Variants in ARHGEF28 observed in about 807,000 individuals in gnomAD.
ARHGEF28 encodes the protein 190 kDa guanine nucleotide exchange factor.
Under a neutral mutation model 206.6 loss-of-function variants are expected in ARHGEF28, and 152 were observed. The observed-to-expected ratio is 0.74, with a 90% CI of 0.64 to 0.84. The LOEUF is 0.84. Ranked by LOEUF, ARHGEF28 falls within the 40% of genes least tolerant of loss-of-function variation. The pLI is 0.00. For missense variants in ARHGEF28, 2,028 were observed against 2,073.2 expected (o/e 0.98, Z 0.42); for synonymous variants, 763 against 776.4 (o/e 0.98, Z 0.29).
chr5:73,866,390 G>T (rs77238073), intron 18 of ARHGEF28, among the ~76,000 whole-genome samples: 2 of 152,180 alleles, frequency 1.3e-5, no homozygotes, highest in Admixed American at 6.5e-5. Context: ...TAGCAGTAGC[G>T]TAGTATAGCA....
At chr5:73,732,497 G>T (rs1011475199) in intron 2 of ARHGEF28, among the ~76,000 whole-genome samples, 12 of 152,136 alleles carry the variant, frequency 7.9e-5, no homozygotes, top group Non-Finnish European at 1.6e-4. Context: ...CATCTTGGTT[G>T]TTTCCAAGTT....
At chr5:73,672,842 G>A (rs764870658) in intron 1 of ARHGEF28, among the ~76,000 whole-genome samples, 5 of 152,154 alleles carry the variant, frequency 3.3e-5, no homozygotes, top group African/African-American at 7.2e-5. Flanking sequence ...CAGGTTTGGC[G>A]GAACATTTTG....
At chr5:73,635,031 A>G (rs987478811) in intron 1 of ARHGEF28, among the ~76,000 whole-genome samples, 1 of 152,176 alleles carries the variant, frequency 6.6e-6, no homozygotes, top group African/African-American at 2.4e-5. Flanking sequence ...GCAAAGGGCC[A>G]GGGAAGAGAG....
chr5:73,758,935 A>T (rs1752457945), intron 4 of ARHGEF28, among the ~76,000 whole-genome samples: 2 of 152,240 alleles, frequency 1.3e-5, no homozygotes, highest in Admixed American at 6.5e-5. Context: ...TTAAAGAGTT[A>T]AGCTTTTCTC....
At chr5:73,925,179 T>C (rs1763730083) in intron 35 of ARHGEF28, among the ~76,000 whole-genome samples, 1 of 152,168 alleles carries the variant, frequency 6.6e-6, no homozygotes, top group Non-Finnish European at 1.5e-5. Flanking sequence ...AAACCCTCCA[T>C]GTGCTGGAAG....
chr5:73,811,503 C>A (rs568015634), intron 9 of ARHGEF28, among the ~76,000 whole-genome samples: 1 of 152,182 alleles, frequency 6.6e-6, no homozygotes, highest in Non-Finnish European at 1.5e-5. Context: ...TTGCCTACAG[C>A]GTCCTAGGCA....
At chr5:73,819,387 C>G (rs750668054) in intron 9 of ARHGEF28, among the ~76,000 whole-genome samples, 7 of 152,182 alleles carry the variant, frequency 4.6e-5, no homozygotes, top group Non-Finnish European at 8.8e-5. Flanking sequence ...GGAACCCCAC[C>G]CAGACTAGGC....
intron 1 of ARHGEF28, among the ~76,000 whole-genome samples, chr5:73,680,023 A>C (rs570414185): frequency 1.3e-5 from 2 of 152,228 alleles, no homozygotes; most frequent in African/African-American, 4.8e-5. Flanking sequence ...AACCTTGCTC[A>C]TGAATGACAA....
chr5:73,794,058 G>A (rs940621421), intron 7 of ARHGEF28, among the ~76,000 whole-genome samples: 17 of 152,196 alleles, frequency 1.1e-4, no homozygotes, highest in Admixed American at 8.5e-4. Context: ...TACGAGTCAC[G>A]TCCTTACAAT....
chr5:73,677,980 A>G (rs1275080856), intron 1 of ARHGEF28, among the ~76,000 whole-genome samples: 1 of 152,254 alleles, frequency 6.6e-6, no homozygotes, highest in African/African-American at 2.4e-5. Flanking sequence ...CAAGGACTTA[A>G]GCAGTTGTAA....
chr5:73,698,189 T>C (rs537781097), intron 2 of ARHGEF28, among the ~76,000 whole-genome samples: 6 of 152,304 alleles, frequency 3.9e-5, no homozygotes, highest in Middle Eastern at 3.4e-3. Context: ...GACATTCCAG[T>C]GCCACCCAAC....
chr5:73,776,494 G>A lies in ARHGEF28; in HGVS notation c.660-22G>A, dbSNP rs1456114678. The stretch of plus-strand genomic sequence containing the variant: ...CTGGTGTCTTTGAAGCTCTGTGTGG[G>A]TTTTGATTTGTGTTGTTTCAGTTTT... On this transcript the variant is annotated intron_variant, in intron 5 of 35. Transcript: ENST00000513042. The A allele has an allele frequency of 1.9e-6, 3 of 1,599,448 alleles. No individual in the cohort carries two copies. In the South Asian group the frequency reaches 3.4e-5, roughly 18 times the overall value.
At chr5:73,726,275 T>G (rs1337809839) in intron 2 of ARHGEF28, among the ~76,000 whole-genome samples, 2 of 152,220 alleles carry the variant, frequency 1.3e-5, no homozygotes, top group Non-Finnish European at 1.5e-5. Flanking sequence ...GGCACTGCAC[T>G]CCCTGTCTGC....
intron 1 of ARHGEF28, among the ~76,000 whole-genome samples, chr5:73,676,345 C>G (rs75195633): frequency 0.18 from 27,510 of 151,878 alleles, 2,880 homozygotes; most frequent in Non-Finnish European, 0.24. Context: ...AAGCAATTCT[C>G]CTGCCTCAGC....
intron 1 of ARHGEF28, among the ~76,000 whole-genome samples, chr5:73,657,583 G>T (rs1745301569): frequency 6.6e-6 from 1 of 152,128 alleles, no homozygotes; most frequent in Admixed American, 6.5e-5. Flanking sequence ...AATATTGAAT[G>T]GTGAGCCTAT....
At chr5:73,876,655 C>T (rs1355369962) in intron 22 of ARHGEF28, among the ~76,000 whole-genome samples, 4 of 150,242 alleles carry the variant, frequency 2.7e-5, no homozygotes, top group Non-Finnish European at 5.9e-5. Context: ...TGTCAAAGGC[C>T]TTTTCTGCAT....
At position 73,846,418 on chromosome 5, in the gene ARHGEF28, G is replaced by T; in HGVS notation, c.1578G>T (p.Pro526=). Residue 526 remains proline, a synonymous_variant, in exon 12 of 36, where the codon CCG becomes CCT. Coordinates refer to ENST00000513042, the MANE Select transcript of ARHGEF28 (RefSeq NM_001177693.2). ...ACTCTTTTGAGACTAACACTGAACCGGATTTTAATATCTCCAGGGCTGAAT... is the reference window on the plus strand; with the variant it reads ...ACTCTTTTGAGACTAACACTGAACCTGATTTTAATATCTCCAGGGCTGAAT... ...ELDSFETNTE[P]DFNISRAESL... 6.2e-7 allele frequency: 1 copy of T among 1,613,880 alleles called. No individual in the cohort carries two copies. Among genetic ancestry groups the T allele is most frequent in the Non-Finnish European group, 8.5e-7 (1 of 1,179,864 alleles).
At position 73,909,434 on chromosome 5, in the gene ARHGEF28, G is replaced by A; in HGVS notation, c.4184G>A (p.Ser1395Asn). ...CAGGCCGCCTTGACCATTCAGGACAGCCACATTGAGATCCACAGGCTGGTT... is the reference window on the plus strand; with the variant it reads ...CAGGCCGCCTTGACCATTCAGGACAACCACATTGAGATCCACAGGCTGGTT... Reference protein sequence around the residue: ...SLQAALTIQDSHIEIHRLVLQ... With the variant: ...SLQAALTIQDNHIEIHRLVLQ... Residue 1395 changes from serine (S) to asparagine (N), a missense_variant, in exon 34 of 36, where the codon AGC (serine) becomes AAC (asparagine). By Grantham distance (46) the Ser-to-Asn change is conservative. Coordinates refer to ENST00000513042, the MANE Select transcript of ARHGEF28 (RefSeq NM_001177693.2). The A allele has an allele frequency of 6.2e-7, 1 of 1,611,060 alleles. No homozygotes were observed. The highest frequency in any genetic ancestry group is 8.5e-7 in the Non-Finnish European group (1 of 1,178,328).
chr5:73,846,327 A>C lies in ARHGEF28; in HGVS notation c.1487A>C (p.His496Pro), dbSNP rs1277668313. 1 of 1,613,764 alleles carries C rather than the reference A, an allele frequency of 6.2e-7. No homozygotes were observed. The highest frequency in any genetic ancestry group is 1.3e-5 in the African/African-American group (1 of 74,908). ...SEGEGHSEPSHICYTPGSQSS... is the reference protein window; with the variant it reads ...SEGEGHSEPSPICYTPGSQSS... Reference sequence around the variant, plus strand: ...GGGGAAGGGCATTCTGAGCCATCCCACATCTGTTACACTCCAGGGTCTCAG... The same window carrying C: ...GGGGAAGGGCATTCTGAGCCATCCCCCATCTGTTACACTCCAGGGTCTCAG... Residue 496 changes from histidine to proline, a missense_variant, in exon 12 of 36, where the codon CAC becomes CCC. Coordinates refer to ENST00000513042, the MANE Select transcript of ARHGEF28 (RefSeq NM_001177693.2).
Sources: gnomAD v4.1 joint callset for allele counts (sites outside exome capture counted in the v4.1 genomes callset) on GRCh38, gnomAD v4.1.1 for gene constraint, MANE v1.5 for transcripts, NCBI Gene and HGNC (gene_info 2026-07-23, HGNC 2026-07-21) for gene names.